The following ZBTB46 variants were observed in gnomAD, a reference collection of about 807,000 sequenced individuals.
The protein encoded by ZBTB46 is zinc finger and BTB domain containing 46.
Under a neutral mutation model 44.1 loss-of-function variants are expected in ZBTB46, and 8 were observed. The observed-to-expected ratio is 0.18, with a 90% CI of 0.11 to 0.33. The LOEUF (loss-of-function observed/expected upper bound fraction) is 0.33. Among genes scored for constraint, ZBTB46 ranks in the 10% least tolerant of loss-of-function variants. ZBTB46 has a pLI of 1.00. For missense variants in ZBTB46, 651 were observed against 847.7 expected (o/e 0.77, Z 2.88); for synonymous variants, 409 against 382.3 (o/e 1.07, Z -0.81).
intron 1 of ZBTB46, among the ~76,000 whole-genome samples, chr20:63,817,390 G>A (rs1431802124): frequency 6.6e-6 from 1 of 151,930 alleles, no homozygotes; most frequent in African/African-American, 2.4e-5. Context: ...GGCCCACAGA[G>A]TGAGATCCTG....
chr20:63,811,204 G>T (rs1261742196), intron 1 of ZBTB46, among the ~76,000 whole-genome samples: 1 of 152,076 alleles, frequency 6.6e-6, no homozygotes, highest in Non-Finnish European at 1.5e-5. Context: ...GCCCACAGGG[G>T]CGAGTCTGGG....
chr20:63,771,083 C>A (rs144353406), intron 3 of ZBTB46, among the ~76,000 whole-genome samples: 1 of 101,504 alleles, frequency 9.9e-6, no homozygotes, highest in African/African-American at 4.2e-5. Flanking sequence ...AGGGGCTACT[C>A]GCCCTCCCAG....
intron 4 of ZBTB46, among the ~76,000 whole-genome samples, chr20:63,751,882 G>A (rs1373322958): frequency 4.0e-5 from 6 of 151,070 alleles, no homozygotes; most frequent in Admixed American, 2.0e-4. Flanking sequence ...GGTGGAGCTC[G>A]GCTCCTGCAG....
chr20:63,825,695 CA>C lies in ZBTB46; in HGVS notation c.-34+5401del, dbSNP rs1293373335. Reference sequence around the variant, plus strand: ...TGCCCCTCCACAGCCCAGAAATCAACAACCAGGCCTTCGAGTTTCTTCATAA... The same window carrying C: ...TGCCCCTCCACAGCCCAGAAATCAACACCAGGCCTTCGAGTTTCTTCATAA... On this transcript the variant is annotated intron_variant, in intron 1 of 4. Coordinates refer to ENST00000245663, the MANE Select transcript of ZBTB46 (RefSeq NM_001369741.1). Among the ~76,000 whole-genome samples the C allele has an allele frequency of 3.9e-5, 6 of 152,292 alleles. No homozygotes were observed. The East Asian group carries it at 9.7e-4, about 24-fold the overall frequency.
intron 3 of ZBTB46, among the ~76,000 whole-genome samples, chr20:63,773,069 G>A (rs933705543): frequency 4.6e-5 from 7 of 152,272 alleles, no homozygotes; most frequent in African/African-American, 1.2e-4. Flanking sequence ...CGTATGCCAC[G>A]GGTGAAATCG....
intron 3 of ZBTB46, among the ~76,000 whole-genome samples, chr20:63,768,532 C>G: frequency 1.3e-5 from 2 of 151,922 alleles, no homozygotes; most frequent in African/African-American, 2.4e-5. Context: ...TCTTGAACCC[C>G]GAAGGTGGAG....
chr20:63,748,039 C>T (rs1197003523), intron 4 of ZBTB46, among the ~76,000 whole-genome samples: 1 of 152,210 alleles, frequency 6.6e-6, no homozygotes, highest in Non-Finnish European at 1.5e-5. Context: ...CTCAGCCTGG[C>T]TGCGTGGACA....
At chr20:63,794,268 G>A (rs2092584165) in intron 1 of ZBTB46, among the ~76,000 whole-genome samples, 5 of 151,816 alleles carry the variant, frequency 3.3e-5, no homozygotes, top group Admixed American at 2.0e-4. Flanking sequence ...CTCGGCTCAC[G>A]GCAGCCTCCA....
chr20:63,817,691 G>A (rs1181662154), intron 1 of ZBTB46, among the ~76,000 whole-genome samples: 1 of 148,732 alleles, frequency 6.7e-6, no homozygotes, highest in Admixed American at 6.7e-5. Flanking sequence ...ACTCCAGCCT[G>A]GGCAGCAGAG....
chr20:63,796,270 C>T (rs1047835765), intron 1 of ZBTB46, among the ~76,000 whole-genome samples: 1 of 152,234 alleles, frequency 6.6e-6, no homozygotes, highest in Non-Finnish European at 1.5e-5. Flanking sequence ...ACCGGACGCC[C>T]GATCCGCGTA....
intron 1 of ZBTB46, among the ~76,000 whole-genome samples, chr20:63,801,896 G>A (rs1336407930): frequency 6.6e-6 from 1 of 152,150 alleles, no homozygotes; most frequent in African/African-American, 2.4e-5. Flanking sequence ...GATTATGCTC[G>A]TTAAACAAGT....
chr20:63,831,552 G>A (rs999794555), upstream of ZBTB46, among the ~76,000 whole-genome samples: 1 of 148,456 alleles, frequency 6.7e-6, no homozygotes, highest in African/African-American at 2.4e-5. Context: ...GAGCTCGCTG[G>A]GCATTGTGGG....
rs1051576420 is a variant in ZBTB46, at chr20:63,804,870, C to T, written c.-33-14080G>A. The stretch of plus-strand genomic sequence containing the variant: ...TGGCACCACTGCACTCCAGCCTGGG[C>T]AACATAGTGAGACTCCGTCTCAAAA... On this transcript the variant is annotated intron_variant, in intron 1 of 4. Transcript: ENST00000245663. Among the ~76,000 whole-genome samples, 3 of 149,986 alleles carry T rather than the reference C, an allele frequency of 2.0e-5. No individual in the cohort carries two copies. In the South Asian group the frequency reaches 6.4e-4, roughly 32 times the overall value.
At chr20:63,820,798 G>A (rs1006868000) in intron 1 of ZBTB46, among the ~76,000 whole-genome samples, 8 of 151,208 alleles carry the variant, frequency 5.3e-5, no homozygotes, top group Admixed American at 1.3e-4. Context: ...GCACGATCTC[G>A]GCTCACTGCA....
chr20:63,824,078 C>A (rs962332641), intron 1 of ZBTB46, among the ~76,000 whole-genome samples: 1 of 152,064 alleles, frequency 6.6e-6, no homozygotes, highest in African/African-American at 2.4e-5. Context: ...TGGCCAAAGT[C>A]CTCTGTTTCC....
intron 3 of ZBTB46, among the ~76,000 whole-genome samples, chr20:63,769,897 C>T (rs1038787870): frequency 6.6e-6 from 1 of 152,240 alleles, no homozygotes; most frequent in African/African-American, 2.4e-5. Flanking sequence ...TGCAAAACGC[C>T]TCCTGACGCC....
intron 1 of ZBTB46, among the ~76,000 whole-genome samples, chr20:63,811,330 C>G (rs1258111062): frequency 6.6e-6 from 1 of 152,116 alleles, no homozygotes; most frequent in Non-Finnish European, 1.5e-5. Context: ...GGGTGGGTCT[C>G]CCTGAAGAAG....
At position 63,752,344 on chromosome 20, in the gene ZBTB46, C is replaced by A. The variant is rs1392982430; in HGVS notation, c.1398+342G>T. 6.6e-6 allele frequency among the ~76,000 whole-genome samples: 1 copy of A among 152,060 alleles called. No homozygotes were observed. The highest frequency in any genetic ancestry group is 1.5e-5 in the Non-Finnish European group (1 of 68,004). On this transcript the variant is annotated intron_variant, in intron 4 of 4. Transcript: ENST00000245663. The surrounding 1 kb of genome is among the most constrained non-coding windows in gnomAD (Gnocchi z 5.6). ...CGGCAGGCACAAGGACAGGGTTCTC[C>A]CTCCCGAGGCAGGGCGGGGGCGGGG...
chr20:63,797,721 T>C (rs2092614139), intron 1 of ZBTB46, among the ~76,000 whole-genome samples: 1 of 152,242 alleles, frequency 6.6e-6, no homozygotes, highest in Non-Finnish European at 1.5e-5. Flanking sequence ...GGTATCTCAT[T>C]GTGGTTTTGA....
Sources: allele counts gnomAD v4.1 joint callset (sites outside exome capture counted in the v4.1 genomes callset), GRCh38; gene constraint gnomAD v4.1.1; non-coding constraint Gnocchi (gnomAD v3.1); transcripts MANE v1.5; gene names NCBI Gene and HGNC (gene_info 2026-07-23, HGNC 2026-07-21).